Variants in EDIL3 observed in about 807,000 individuals in gnomAD.
The protein encoded by EDIL3 is EGF like and discoidin domains 3, also known as EGF-like repeat and discoidin I-like domain-containing protein 3.
A neutral mutation model predicts 67.4 loss-of-function variants in EDIL3; 37 were observed. The ratio of observed to expected loss-of-function variants is 0.55; its 90% CI spans 0.42 to 0.72. The LOEUF is 0.72. Ranked by LOEUF, EDIL3 falls within the 30% of genes least tolerant of loss-of-function variation. The probability of loss-of-function intolerance (pLI) is 0.00; values close to 1 mark genes in which losing one functional copy is unlikely to be tolerated. For missense variants in EDIL3, 527 were observed against 586.3 expected (o/e 0.90, Z 1.04); for synonymous variants, 195 against 196.3 (o/e 0.99, Z 0.05).
At chr5:84,057,703 C>T (rs1189990841) in intron 9 of EDIL3, among the ~76,000 whole-genome samples, 1 of 152,006 alleles carries the variant, frequency 6.6e-6, no homozygotes, top group East Asian at 1.9e-4. Flanking sequence ...AGAATATGTA[C>T]CAGTTGGCCT....
chr5:83,997,749 C>A (rs1407826000), intron 9 of EDIL3, among the ~76,000 whole-genome samples: 1 of 152,032 alleles, frequency 6.6e-6, no homozygotes, highest in Non-Finnish European at 1.5e-5. Flanking sequence ...CGCAGGAACA[C>A]CAAATTGAAC....
At chr5:84,309,921 A>T (rs1475715954) in intron 1 of EDIL3, among the ~76,000 whole-genome samples, 2 of 152,152 alleles carry the variant, frequency 1.3e-5, no homozygotes, top group Non-Finnish European at 2.9e-5. Context: ...TGCCACACTG[A>T]CTTCCACAAT....
intron 6 of EDIL3, among the ~76,000 whole-genome samples, chr5:84,084,170 T>C (rs949973172): frequency 1.3e-5 from 2 of 152,168 alleles, no homozygotes; most frequent in African/African-American, 4.8e-5. Context: ...ATATAGAGTA[T>C]ATCTCATCAG....
chr5:84,181,862 A>G (rs1749019532), intron 3 of EDIL3, among the ~76,000 whole-genome samples: 1 of 152,192 alleles, frequency 6.6e-6, no homozygotes, highest in Non-Finnish European at 1.5e-5. Flanking sequence ...TAAGGAAAAG[A>G]AAAGCCACTG....
At chr5:83,963,104 T>A (rs1580254807) in intron 10 of EDIL3, 101 bp downstream of exon 10, 2 of 1,351,348 alleles carry the variant, frequency 1.5e-6, no homozygotes, top group East Asian at 5.0e-5. Flanking sequence ...TATATATGGA[T>A]ACTATTTTCA....
intron 3 of EDIL3, among the ~76,000 whole-genome samples, chr5:84,216,488 G>A (rs1251825475): frequency 1.3e-5 from 2 of 150,432 alleles, no homozygotes; most frequent in African/African-American, 4.8e-5. Context: ...AAAAGGCTGA[G>A]TTTGCTGCTG....
At chr5:83,982,919 G>A (rs1744995534) in intron 9 of EDIL3, among the ~76,000 whole-genome samples, 1 of 152,148 alleles carries the variant, frequency 6.6e-6, no homozygotes, top group Non-Finnish European at 1.5e-5. Flanking sequence ...GGTAGATGGG[G>A]CACAAGTGGA....
intron 3 of EDIL3, among the ~76,000 whole-genome samples, chr5:84,210,308 G>T (rs1213137903): frequency 6.6e-6 from 1 of 151,986 alleles, no homozygotes; most frequent in Admixed American, 6.6e-5. Flanking sequence ...GTTTTGCAAT[G>T]ATGTGTTACT....
chr5:84,221,769 T>C (rs1399877491), intron 3 of EDIL3, among the ~76,000 whole-genome samples: 1 of 151,992 alleles, frequency 6.6e-6, no homozygotes, highest in Non-Finnish European at 1.5e-5. Context: ...TTAAAGTATA[T>C]TTATGAACAA....
intron 1 of EDIL3, among the ~76,000 whole-genome samples, chr5:84,305,043 G>C (rs1466388951): frequency 6.6e-6 from 1 of 152,188 alleles, no homozygotes; most frequent in African/African-American, 2.4e-5. Context: ...CTGCATTAGA[G>C]AGTGATTTGG....
chr5:84,280,189 C>G (rs745929052), intron 1 of EDIL3, among the ~76,000 whole-genome samples: 1 of 152,078 alleles, frequency 6.6e-6, no homozygotes, highest in East Asian at 1.9e-4. Flanking sequence ...CCCTCATTGC[C>G]CTTCCCTTCT....
intron 3 of EDIL3, among the ~76,000 whole-genome samples, chr5:84,197,761 T>C (rs368079540): frequency 6.6e-6 from 1 of 151,838 alleles, no homozygotes; most frequent in African/African-American, 2.4e-5. Context: ...AGAGGGGAAG[T>C]GGCAGGCGAG....
intron 5 of EDIL3, among the ~76,000 whole-genome samples, chr5:84,132,462 T>A (rs1275288670): frequency 1.8e-5 from 2 of 113,250 alleles, no homozygotes; most frequent in African/African-American, 7.4e-5. Flanking sequence ...TATTATGTAT[T>A]TTATATATAA....
At chr5:84,189,744 T>G (rs1005914542) in intron 3 of EDIL3, among the ~76,000 whole-genome samples, 2 of 152,080 alleles carry the variant, frequency 1.3e-5, no homozygotes, top group Non-Finnish European at 2.9e-5. Context: ...CTGTAGTTAT[T>G]CTGCATATAC....
intron 1 of EDIL3, among the ~76,000 whole-genome samples, chr5:84,268,824 C>A (rs1285643292): frequency 1.3e-5 from 2 of 152,258 alleles, no homozygotes; most frequent in East Asian, 3.9e-4. Context: ...TGTAAGCTCA[C>A]TGTAAACAGT....
chr5:84,311,622 G>A (rs1436184055), intron 1 of EDIL3, among the ~76,000 whole-genome samples: 1 of 151,744 alleles, frequency 6.6e-6, no homozygotes, highest in Non-Finnish European at 1.5e-5. Context: ...GATTTGGCAG[G>A]GTCATAGGAC....
At chr5:84,051,028 C>T (rs561343190) in intron 9 of EDIL3, among the ~76,000 whole-genome samples, 1 of 152,306 alleles carries the variant, frequency 6.6e-6, no homozygotes, top group South Asian at 2.1e-4. Context: ...AAGTGGGTTG[C>T]TGACCCCTGA....
intron 3 of EDIL3, among the ~76,000 whole-genome samples, chr5:84,225,555 C>G (rs1044924455): frequency 9.2e-5 from 14 of 151,476 alleles, no homozygotes; most frequent in African/African-American, 3.4e-4. Context: ...AGAAAAAAAT[C>G]CATATTATTT....
intron 6 of EDIL3, among the ~76,000 whole-genome samples, chr5:84,082,845 G>T (rs1428180739): frequency 6.6e-6 from 1 of 152,092 alleles, no homozygotes. Context: ...GTAGCTGCTA[G>T]GAATGTTTTA....
Sources: allele counts gnomAD v4.1 joint callset (sites outside exome capture counted in the v4.1 genomes callset), GRCh38; gene constraint gnomAD v4.1.1; transcripts MANE v1.5; gene names NCBI Gene and HGNC (gene_info 2026-07-23, HGNC 2026-07-21).